MAGI2: variants seen among roughly 807,000 people sequenced by gnomAD.
MAGI2 encodes membrane associated guanylate kinase, WW and PDZ domain containing 2, also known as membrane-associated guanylate kinase, WW and PDZ domain-containing protein 2.
In MAGI2, 35 loss-of-function variants were observed where a neutral mutation model predicts 133.3. The ratio of observed to expected loss-of-function variants is 0.26; its 90% CI spans 0.20 to 0.35. MAGI2 has a LOEUF of 0.35. Among genes scored for constraint, MAGI2 ranks in the 10% least tolerant of loss-of-function variants. The pLI, the probability that MAGI2 is intolerant of heterozygous loss-of-function variation, is 1.00. For synonymous variants in MAGI2, 729 were observed against 710.6 expected, an observed-to-expected ratio of 1.03 and a Z score of -0.41; for missense variants, 1,636 against 1,863.4, an observed-to-expected ratio of 0.88 and a Z score of 2.25.
chr7:78,921,788 C>T (rs1353906352), intron 2 of MAGI2, among the ~76,000 whole-genome samples: 1 of 152,058 alleles, frequency 6.6e-6, no homozygotes, highest in African/African-American at 2.4e-5. Context: ...CACACAATCA[C>T]GCCCAGCTAA....
intron 1 of MAGI2, among the ~76,000 whole-genome samples, chr7:79,273,861 A>G (rs908840707): frequency 3.9e-5 from 6 of 152,028 alleles, no homozygotes; most frequent in African/African-American, 1.2e-4. Flanking sequence ...ATGTTTGTTT[A>G]TTACTATCTG....
chr7:78,324,644 T>C lies in MAGI2; in HGVS notation c.1408+19134A>G, dbSNP rs149710412. Among the ~76,000 whole-genome samples, 69 of 152,296 alleles carry C rather than the reference T, an allele frequency of 4.5e-4. 1 individual carries two copies. The East Asian group carries it at 0.013, about 29-fold the overall frequency. ...ATAACCCATTCCATTGTAAGGTAGC[T>C]CTGTTATTAAGCTATTTTTTAAAAT... On this transcript the variant is annotated intron_variant, in intron 9 of 21. Transcript: ENST00000354212.
chr7:78,390,974 G>A (rs1457091488), intron 6 of MAGI2, among the ~76,000 whole-genome samples: 1 of 152,174 alleles, frequency 6.6e-6, no homozygotes, highest in East Asian at 1.9e-4. Context: ...GGAGATGGAA[G>A]TGCTGAAATC....
At chr7:79,343,844 G>A (rs1459759874) in intron 1 of MAGI2, among the ~76,000 whole-genome samples, 5 of 152,084 alleles carry the variant, frequency 3.3e-5, no homozygotes, top group Non-Finnish European at 5.9e-5. Flanking sequence ...TAAACTGACA[G>A]TCAGCACTAA....
chr7:78,232,095 T>A (rs772569243), intron 10 of MAGI2, among the ~76,000 whole-genome samples: 3 of 151,944 alleles, frequency 2.0e-5, no homozygotes, highest in Admixed American at 6.5e-5. Context: ...GGCATCCACA[T>A]ATTTTAAGGT....
chr7:79,170,825 A>G (rs992499962), intron 1 of MAGI2, among the ~76,000 whole-genome samples: 4 of 152,124 alleles, frequency 2.6e-5, no homozygotes, highest in African/African-American at 9.7e-5. Context: ...TTCTTAATTA[A>G]AATAAAACTC....
chr7:78,020,042 C>T (rs1563010364), intron 21 of MAGI2, 66 bp from the exon 22 acceptor site: 2 of 1,408,358 alleles, frequency 1.4e-6, no homozygotes, highest in South Asian at 2.7e-5. Flanking sequence ...CTCTCTACGC[C>T]GGGGACAGGG....
Position 78,659,424 on chromosome 7 carries a change from C to CAAA in MAGI2, c.419-32188_419-32186dup, listed in dbSNP as rs71085553. 1.0e-3 allele frequency among the ~76,000 whole-genome samples: 24 copies of CAAA among 23,660 alleles called. 3 individuals carry two copies. Among genetic ancestry groups the CAAA allele is most frequent in the African/African-American group, 3.1e-3 (17 of 5,500 alleles). The allele number at this position is 23,660 out of a possible 152,430, so 15.5% of individuals were successfully genotyped here. On this transcript the variant is annotated intron_variant, in intron 2 of 21. Coordinates refer to ENST00000354212, the MANE Select transcript of MAGI2 (RefSeq NM_012301.4). ...TGGGCAACAAAGTGAGACTTCATCT[C>CAAA]AAAAAAAAAAAAAAAAAAAAAAAAA...
At chr7:78,209,225 A>G (rs1162612562) in intron 10 of MAGI2, among the ~76,000 whole-genome samples, 1 of 112,624 alleles carries the variant, frequency 8.9e-6, no homozygotes, top group African/African-American at 3.0e-5. Flanking sequence ...CTGTCTCAAA[A>G]AAAAAAAAAA....
intron 1 of MAGI2, among the ~76,000 whole-genome samples, chr7:79,169,554 C>A (rs975412137): frequency 6.6e-6 from 1 of 152,082 alleles, no homozygotes; most frequent in Non-Finnish European, 1.5e-5. Context: ...CATGGTCACA[C>A]GCTCAGCCAC....
chr7:78,908,462 G>A (rs940413), intron 2 of MAGI2, among the ~76,000 whole-genome samples: 138,038 of 152,224 alleles, frequency 0.91, 62,665 homozygotes, highest in East Asian at 0.95. Flanking sequence ...TTACATCAAC[G>A]AGTCAGGCTT....
At chr7:78,691,570 T>C (rs558927434) in intron 2 of MAGI2, among the ~76,000 whole-genome samples, 7 of 152,276 alleles carry the variant, frequency 4.6e-5, no homozygotes, top group African/African-American at 1.7e-4. Flanking sequence ...TGGTGTATGA[T>C]ATTGTATAAA....
chr7:78,373,511 T>C (rs1260217720), intron 6 of MAGI2, among the ~76,000 whole-genome samples: 1 of 151,894 alleles, frequency 6.6e-6, no homozygotes, highest in African/African-American at 2.4e-5. Flanking sequence ...TAAAATAGCA[T>C]CAAAACGAAA....
chr7:79,260,832 C>G (rs989926090), intron 1 of MAGI2, among the ~76,000 whole-genome samples: 1 of 152,042 alleles, frequency 6.6e-6, no homozygotes, highest in African/African-American at 2.4e-5. Flanking sequence ...CTAAATATTC[C>G]AAAATATGAA....
At chr7:78,820,288 G>T (rs1789977885) in intron 2 of MAGI2, among the ~76,000 whole-genome samples, 1 of 151,786 alleles carries the variant, frequency 6.6e-6, no homozygotes, top group Non-Finnish European at 1.5e-5. Context: ...AGTAATTAGG[G>T]GAGATACATA....
chr7:78,339,364 C>T (rs886963187), intron 9 of MAGI2, among the ~76,000 whole-genome samples: 1 of 151,740 alleles, frequency 6.6e-6, no homozygotes, highest in Non-Finnish European at 1.5e-5. Context: ...AAAGCTTTGA[C>T]TTTGTGGTTG....
chr7:78,045,983 C>T lies in MAGI2; in HGVS notation c.3707-26007G>A, dbSNP rs140825078. On this transcript the variant is annotated intron_variant, in intron 21 of 21. Transcript: ENST00000354212. ...CCAAGCTTAAGAACTAGATGGTTTC[C>T]GGTGTCTCAGACCTGGCAGAACTTG... 1.6e-3 allele frequency among the ~76,000 whole-genome samples: 249 copies of T among 152,226 alleles called. 1 individual carries two copies. Among genetic ancestry groups the T allele is most frequent in the African/African-American group, 5.0e-3 (209 of 41,538 alleles).
chr7:79,043,875 T>A (rs1310243933), intron 1 of MAGI2, among the ~76,000 whole-genome samples: 1 of 152,070 alleles, frequency 6.6e-6, no homozygotes, highest in South Asian at 2.1e-4. Context: ...AACAGAAGAA[T>A]ATGAGTTGTG....
intron 2 of MAGI2, among the ~76,000 whole-genome samples, chr7:78,649,368 C>T (rs1238247948): frequency 5.9e-5 from 9 of 151,798 alleles, no homozygotes; most frequent in African/African-American, 2.2e-4. Context: ...TAATTCTACC[C>T]CTGTTTTTTA....
Sources: gnomAD v4.1 joint callset for allele counts (sites outside exome capture counted in the v4.1 genomes callset) on GRCh38, gnomAD v4.1.1 for gene constraint, MANE v1.5 for transcripts, NCBI Gene and HGNC (gene_info 2026-07-23, HGNC 2026-07-21) for gene names.